Variants in HSD17B12 observed in about 807,000 individuals in gnomAD.
HSD17B12 encodes the protein very-long-chain 3-oxoacyl-CoA reductase.
HSD17B12 carries 32 observed loss-of-function variants against 39.3 expected under a neutral mutation model. The ratio of observed to expected loss-of-function variants is 0.81; its 90% CI spans 0.61 to 1.09. The LOEUF is 1.09. Among genes scored for constraint, HSD17B12 ranks in the 50% least tolerant of loss-of-function variants. HSD17B12 has a pLI of 0.00. For missense variants in HSD17B12, 342 were observed against 382.9 expected (o/e 0.89, Z 0.89); for synonymous variants, 150 against 146.7 (o/e 1.02, Z -0.16).
intron 3 of HSD17B12, among the ~76,000 whole-genome samples, chr11:43,759,267 T>C (rs1194656905): frequency 6.6e-6 from 1 of 152,202 alleles, no homozygotes; most frequent in African/African-American, 2.4e-5. Flanking sequence ...AAGTAATTCC[T>C]TATGAATGTG....
chr11:43,834,971 T>C (rs1331267942), intron 7 of HSD17B12, among the ~76,000 whole-genome samples: 1 of 152,190 alleles, frequency 6.6e-6, no homozygotes, highest in Non-Finnish European at 1.5e-5. Context: ...AAGTAAGCAG[T>C]ATAATGAATT....
chr11:43,596,614 G>A, the HSD17B12 span, among the ~76,000 whole-genome samples: 19 of 151,402 alleles, frequency 1.3e-4, no homozygotes, highest in Middle Eastern at 0.01. Context: ...TTTTTCTTTA[G>A]TTATTTATAG....
chr11:43,735,483 A>G (rs545255894), intron 1 of HSD17B12, among the ~76,000 whole-genome samples: 2 of 152,194 alleles, frequency 1.3e-5, no homozygotes, highest in South Asian at 4.1e-4. Flanking sequence ...TGTAGTTTTG[A>G]TTTTCATTTC....
At chr11:43,813,024 G>T (rs1951087712) in intron 4 of HSD17B12, among the ~76,000 whole-genome samples, 1 of 152,102 alleles carries the variant, frequency 6.6e-6, no homozygotes. Flanking sequence ...TGTATTTTTA[G>T]TAGAGATGGG....
At chr11:43,716,758 A>T (rs887329395) in intron 1 of HSD17B12, among the ~76,000 whole-genome samples, 25 of 144,534 alleles carry the variant, frequency 1.7e-4, no homozygotes, top group Non-Finnish European at 2.4e-4. Flanking sequence ...TATATATATA[A>T]AATATATATG....
the HSD17B12 span, among the ~76,000 whole-genome samples, chr11:43,659,896 G>A: frequency 1.3e-5 from 2 of 152,160 alleles, no homozygotes; most frequent in Non-Finnish European, 2.9e-5. Context: ...AAGTCTACCA[G>A]TGCCAAAGTC....
chr11:43,665,113 A>G, the HSD17B12 span, among the ~76,000 whole-genome samples: 1 of 152,240 alleles, frequency 6.6e-6, no homozygotes, highest in Non-Finnish European at 1.5e-5. Flanking sequence ...ATAGTTGTAA[A>G]TAAGGCAATT....
At chr11:43,699,839 A>G (rs1590670801) in intron 1 of HSD17B12, among the ~76,000 whole-genome samples, 3 of 152,254 alleles carry the variant, frequency 2.0e-5, no homozygotes, top group South Asian at 2.1e-4. Flanking sequence ...TTCTCAGGAC[A>G]TACAAATGAC....
chr11:43,856,508 C>T lies in HSD17B12; in HGVS notation c.*1260C>T, dbSNP rs1230486111. The stretch of plus-strand genomic sequence containing the variant: ...AAAACAAATAGCCATCTGCTATCAG[C>T]ATCATTATGTAAAAGAAAATATATT... On this transcript the variant is annotated 3_prime_UTR_variant, in exon 11 of 11. Transcript: ENST00000278353. The T allele has an allele frequency of 6.6e-6, 1 of 152,186 alleles. No individual in the cohort carries two copies. The highest frequency in any genetic ancestry group is 1.9e-4 in the East Asian group (1 of 5,192). 9.4% of individuals were successfully genotyped at this position (152,186 alleles called of 1,614,324 possible).
chr11:43,696,989 C>T (rs968333448), intron 1 of HSD17B12, among the ~76,000 whole-genome samples: 11 of 149,724 alleles, frequency 7.3e-5, no homozygotes, highest in Admixed American at 4.7e-4. Context: ...GAGAGGGGAA[C>T]AACACACACC....
chr11:43,761,877 T>C (rs1338990603), intron 3 of HSD17B12, among the ~76,000 whole-genome samples: 1 of 152,216 alleles, frequency 6.6e-6, no homozygotes, highest in Non-Finnish European at 1.5e-5. Flanking sequence ...CCATACTCTG[T>C]TGGTCAAAGC....
the HSD17B12 span, among the ~76,000 whole-genome samples, chr11:43,646,709 T>A: frequency 1.3e-5 from 2 of 152,188 alleles, no homozygotes; most frequent in Non-Finnish European, 2.9e-5. Context: ...TTCCAGACAT[T>A]TGCCAGTAGT....
At position 43,779,118 on chromosome 11, in the gene HSD17B12, A is replaced by G. The variant is rs11037632; in HGVS notation, c.284-19202A>G. ...ACCTTCAAAATTTATGGCTTGCCTT[A>G]CATTTCAAAATCATGAGATAGAATT... On this transcript the variant is annotated intron_variant, in intron 3 of 10. Coordinates refer to ENST00000278353, the MANE Select transcript of HSD17B12 (RefSeq NM_016142.3). Among the ~76,000 whole-genome samples, 629 of 152,330 alleles carry G rather than the reference A, an allele frequency of 4.1e-3. 6 individuals are homozygous for G. The East Asian group carries it at 0.045, about 11-fold the overall frequency.
chr11:43,797,796 G>A (rs976990909), intron 3 of HSD17B12, among the ~76,000 whole-genome samples: 2 of 152,160 alleles, frequency 1.3e-5, no homozygotes, highest in African/African-American at 2.4e-5. Flanking sequence ...ATTTTAAAAT[G>A]TAGTGATTAT....
intron 3 of HSD17B12, among the ~76,000 whole-genome samples, chr11:43,759,683 T>C (rs1950539787): frequency 6.6e-6 from 1 of 152,114 alleles, no homozygotes; most frequent in Admixed American, 6.6e-5. Flanking sequence ...TTATAATTCA[T>C]ATTATTTTAC....
At chr11:43,663,340 T>G in the HSD17B12 span, among the ~76,000 whole-genome samples, 2 of 152,234 alleles carry the variant, frequency 1.3e-5, no homozygotes, top group African/African-American at 4.8e-5. Context: ...CCTCAAGTGA[T>G]CTGCCTGCCT....
the HSD17B12 span, among the ~76,000 whole-genome samples, chr11:43,626,932 T>A: frequency 6.6e-6 from 1 of 152,052 alleles, no homozygotes; most frequent in Non-Finnish European, 1.5e-5. Flanking sequence ...TACATTTACT[T>A]TACTTAATTA....
chr11:43,698,549 C>T (rs147636389), intron 1 of HSD17B12, among the ~76,000 whole-genome samples: 310 of 152,286 alleles, frequency 2.0e-3, no homozygotes, highest in African/African-American at 6.3e-3. Context: ...GTGGAAAGAA[C>T]GGGTACAGGA....
chr11:43,824,987 C>G (rs1590330646), intron 6 of HSD17B12, among the ~76,000 whole-genome samples: 2 of 151,942 alleles, frequency 1.3e-5, no homozygotes, highest in South Asian at 4.2e-4. Context: ...AAAAATTAGC[C>G]AGGCATGGTG....
Sources: allele counts gnomAD v4.1 joint callset (sites outside exome capture counted in the v4.1 genomes callset), GRCh38; gene constraint gnomAD v4.1.1; transcripts MANE v1.5; gene names NCBI Gene and HGNC (gene_info 2026-07-23, HGNC 2026-07-21).